Variants in RBM33 observed in about 807,000 individuals in gnomAD.
The protein encoded by RBM33 is RNA-binding protein 33.
A neutral mutation model predicts 132.6 loss-of-function variants in RBM33; 28 were observed. The observed-to-expected ratio is 0.21, with a 90% CI of 0.16 to 0.29. The LOEUF is 0.29. Ranked by LOEUF, RBM33 falls within the 10% of genes least tolerant of loss-of-function variation. The pLI, the probability that RBM33 is intolerant of heterozygous loss-of-function variation, is 1.00. For synonymous variants in RBM33, 634 were observed against 593.0 expected (o/e 1.07, Z -1.01); for missense variants, 1,291 against 1,518.5 (o/e 0.85, Z 2.49).
intron 3 of RBM33, among the ~76,000 whole-genome samples, chr7:155,674,874 A>C (rs1799132413): frequency 6.6e-6 from 1 of 152,250 alleles, no homozygotes; most frequent in Admixed American, 6.5e-5. Context: ...CTTTCCTAAC[A>C]TAAAATAAAT....
chr7:155,675,443 T>A (rs989548299), intron 3 of RBM33, among the ~76,000 whole-genome samples: 2 of 152,204 alleles, frequency 1.3e-5, no homozygotes, highest in African/African-American at 4.8e-5. Context: ...TTGTATATGC[T>A]ACAGTGTCCC....
At chr7:155,737,383 G>T in intron 9 of RBM33, 147 bp from the exon 10 acceptor site, 2 of 667,702 alleles carry the variant, frequency 3.0e-6, no homozygotes, top group South Asian at 4.4e-5. Context: ...GTGTGTGTGT[G>T]TGTAGAAAGA....
intron 5 of RBM33, among the ~76,000 whole-genome samples, chr7:155,694,528 C>T (rs1799738592): frequency 6.6e-6 from 1 of 152,146 alleles, no homozygotes; most frequent in Non-Finnish European, 1.5e-5. Context: ...TGTATACATC[C>T]AAGTTACCAT....
chr7:155,670,829 C>T (rs1012417617), intron 2 of RBM33, among the ~76,000 whole-genome samples: 10 of 152,174 alleles, frequency 6.6e-5, no homozygotes, highest in Non-Finnish European at 1.3e-4. Flanking sequence ...AAGTACTAGT[C>T]TTCATTTTCT....
chr7:155,717,542 G>C (rs1422810647), intron 8 of RBM33, among the ~76,000 whole-genome samples: 1 of 146,656 alleles, frequency 6.8e-6, no homozygotes, highest in Non-Finnish European at 1.5e-5. Context: ...TGTGGGGGCG[G>C]GGGGAGGGAG....
intron 1 of RBM33, among the ~76,000 whole-genome samples, chr7:155,658,384 ATTT>A (rs71303950): frequency 8.1e-6 from 1 of 122,862 alleles, no homozygotes; most frequent in Non-Finnish European, 1.7e-5. Context: ...ATATAGTTGG[ATTT>A]TTTTTTTTTT....
chr7:155,767,562 C>T (rs187510928), intron 16 of RBM33, among the ~76,000 whole-genome samples: 1 of 152,182 alleles, frequency 6.6e-6, no homozygotes, highest in Non-Finnish European at 1.5e-5. Context: ...TTTTAGATCT[C>T]CATCTGCTGT....
chr7:155,691,377 T>C (rs1052283750), intron 5 of RBM33, among the ~76,000 whole-genome samples: 1 of 152,212 alleles, frequency 6.6e-6, no homozygotes, highest in Non-Finnish European at 1.5e-5. Context: ...GTCTAATCTT[T>C]TTTCAAGGTT....
At chr7:155,673,488 A>G (rs868139036) in intron 3 of RBM33, among the ~76,000 whole-genome samples, 36 of 148,272 alleles carry the variant, frequency 2.4e-4, no homozygotes, top group African/African-American at 7.5e-4. Flanking sequence ...GTGTGTATAT[A>G]TATACACACA....
chr7:155,761,803 C>T (rs534673534), intron 14 of RBM33, among the ~76,000 whole-genome samples: 68 of 152,172 alleles, frequency 4.5e-4, no homozygotes, highest in South Asian at 4.2e-4. Context: ...CATTTTCCTT[C>T]CTTCTACTTG....
chr7:155,673,115 A>T (rs1798989035), intron 3 of RBM33, among the ~76,000 whole-genome samples, 200 bp downstream of exon 3: 1 of 152,176 alleles, frequency 6.6e-6, no homozygotes, highest in African/African-American at 2.4e-5. Flanking sequence ...TCAAGAAATA[A>T]ATCCTTGAAG....
At chr7:155,688,424 A>G (rs536971806) in intron 5 of RBM33, among the ~76,000 whole-genome samples, 90 of 152,350 alleles carry the variant, frequency 5.9e-4, no homozygotes, top group African/African-American at 2.0e-3. Flanking sequence ...ATCTGCAAAC[A>G]GGGACAATTT....
chr7:155,703,628 C>T (rs1800029560), intron 6 of RBM33, among the ~76,000 whole-genome samples: 1 of 152,126 alleles, frequency 6.6e-6, no homozygotes, highest in Non-Finnish European at 1.5e-5. Flanking sequence ...TTTTTCTGTC[C>T]GTCAAAAGAT....
rs148028199 is a variant in RBM33, at chr7:155,764,860, C to T, written c.3186+842C>T. Among the ~76,000 whole-genome samples the T allele has an allele frequency of 7.1e-4, 108 of 152,366 alleles. 1 individual carries two copies. Among genetic ancestry groups the T allele is most frequent in the African/African-American group, 2.5e-3 (105 of 41,586 alleles). On this transcript the variant is annotated intron_variant, in intron 15 of 17. Transcript: ENST00000401878. ...GTCACTATTAAGACTATTCTGGCTCCTTTTGAAGTACTTAAGTTACTTCGT... is the reference window on the plus strand; with the variant it reads ...GTCACTATTAAGACTATTCTGGCTCTTTTTGAAGTACTTAAGTTACTTCGT...
intron 9 of RBM33, among the ~76,000 whole-genome samples, chr7:155,725,784 A>G (rs1800777748): frequency 6.6e-6 from 1 of 152,180 alleles, no homozygotes; most frequent in Non-Finnish European, 1.5e-5. Flanking sequence ...AACCATTAAC[A>G]TTATCCTAAT....
chr7:155,645,516 C>T (rs1798160425), intron 1 of RBM33, among the ~76,000 whole-genome samples: 1 of 152,164 alleles, frequency 6.6e-6, no homozygotes, highest in African/African-American at 2.4e-5. Context: ...TGTGCGTCTT[C>T]CAAAAGTGAA....
rs1802691882 is a variant in RBM33 at position 155,778,339 on chromosome 7, A to G, written c.*3298A>G. 2 of 152,216 alleles carry G rather than the reference A, an allele frequency of 1.3e-5. No individual in the cohort carries two copies. The highest frequency in any genetic ancestry group is 1.5e-5 in the Non-Finnish European group (1 of 68,060). The allele number at this position is 152,216 out of a possible 1,614,324, so 9.4% of individuals were successfully genotyped here. On this transcript the variant is annotated 3_prime_UTR_variant, in exon 18 of 18. Transcript: ENST00000401878. This position sits in a 1 kb window ranked among gnomAD's most constrained non-coding sequence, Gnocchi z 4.0. ...GCACCCAGGGGTCTTTTTTTCAAAC[A>G]GCATCTTGCTCAGTTCTGTGAACAG... is the stretch of plus-strand genomic sequence containing the variant.
intron 14 of RBM33, among the ~76,000 whole-genome samples, chr7:155,756,712 G>A (rs541519536): frequency 3.9e-5 from 6 of 152,246 alleles, no homozygotes; most frequent in East Asian, 1.9e-4. Flanking sequence ...ACTGTGTGCC[G>A]CCCGTGAGTT....
chr7:155,679,490 TAAAAG>T (rs1585428840), intron 4 of RBM33, among the ~76,000 whole-genome samples: 1 of 88,180 alleles, frequency 1.1e-5, no homozygotes, highest in African/African-American at 3.7e-5. Flanking sequence ...TAAGCTATAT[TAAAAG>T]AGGAGAGACA....
Sources: allele counts gnomAD v4.1 joint callset (sites outside exome capture counted in the v4.1 genomes callset), GRCh38; gene constraint gnomAD v4.1.1; non-coding constraint Gnocchi (gnomAD v3.1); transcripts MANE v1.5; gene names NCBI Gene and HGNC (gene_info 2026-07-23, HGNC 2026-07-21).